Variants in RBM19 observed in about 807,000 individuals in gnomAD.
RBM19 encodes probable RNA-binding protein 19.
A neutral mutation model predicts 116.8 loss-of-function variants in RBM19; 94 were observed. That is an observed-to-expected ratio of 0.80 (90% CI 0.68 to 0.95). RBM19 has a LOEUF of 0.95. RBM19 is among the 40% of genes least tolerant of loss of function. The pLI, the probability that RBM19 is intolerant of heterozygous loss-of-function variation, is 0.00. For synonymous variants in RBM19, 475 were observed against 494.1 expected (o/e 0.96, Z 0.51); for missense variants, 1,161 against 1,220.7 (o/e 0.95, Z 0.73).
Position 113,873,593 on chromosome 12 carries a change from T to G in RBM19, c.2559-14697A>C, listed in dbSNP as rs559465018. Among the ~76,000 whole-genome samples, 101 of 125,584 alleles carry G rather than the reference T, an allele frequency of 8.0e-4. 1 individual carries two copies. The highest frequency in any genetic ancestry group is 2.0e-3 in the African/African-American group (65 of 32,826). The allele number at this position is 125,584 out of a possible 152,430, so 82.4% of individuals were successfully genotyped here. A position where few individuals can be genotyped will look rare whatever the true frequency, so the allele number is the denominator to read the frequency against. On this transcript the variant is annotated intron_variant, in intron 21 of 23. Transcript: ENST00000261741. ...GGAAAACCAGAGACCTTTGTTCACT[T>G]GTTTATCTGCTGACCTTCCCTCCAC...
intron 8 of RBM19, among the ~76,000 whole-genome samples, chr12:113,950,903 A>G (rs572418712): frequency 5.3e-5 from 8 of 151,706 alleles, no homozygotes; most frequent in African/African-American, 1.7e-4. Flanking sequence ...CCCCCTCTCC[A>G]TGGCCACACC....
chr12:113,882,559 G>C (rs1880223529), intron 21 of RBM19, among the ~76,000 whole-genome samples: 1 of 152,270 alleles, frequency 6.6e-6, no homozygotes, highest in Non-Finnish European at 1.5e-5. Context: ...AGCCTGCTCA[G>C]TACTGAAAAG....
At chr12:113,878,403 C>T (rs1879824044) in intron 21 of RBM19, among the ~76,000 whole-genome samples, 1 of 152,186 alleles carries the variant, frequency 6.6e-6, no homozygotes, top group African/African-American at 2.4e-5. Flanking sequence ...CTCATTAGGC[C>T]TCTCCACCTC....
intron 22 of RBM19, among the ~76,000 whole-genome samples, chr12:113,856,376 G>A (rs1367131507): frequency 6.6e-6 from 1 of 152,200 alleles, no homozygotes; most frequent in Non-Finnish European, 1.5e-5. Context: ...TCCACCTTCT[G>A]TCCTAATAAA....
chr12:113,943,434 G>A lies in RBM19; in HGVS notation c.1627-1000C>T, dbSNP rs1374943456. Among the ~76,000 whole-genome samples, 5 of 152,140 alleles carry A rather than the reference G, an allele frequency of 3.3e-5. No individual in the cohort carries two copies. The East Asian group carries it at 9.6e-4, about 29-fold the overall frequency. ...AAATGCAACGCGACACATCCAAAGT[G>A]CTCTCCGTGGAAAACACACACAGAA... On this transcript the variant is annotated intron_variant, in intron 13 of 23. Transcript: ENST00000261741.
intron 7 of RBM19, among the ~76,000 whole-genome samples, chr12:113,954,306 A>T (rs780245391): frequency 3.3e-5 from 5 of 152,152 alleles, no homozygotes; most frequent in Non-Finnish European, 7.4e-5. Flanking sequence ...ACACACACAA[A>T]AATAATAATA....
intron 21 of RBM19, among the ~76,000 whole-genome samples, chr12:113,899,451 A>G (rs1352462711): frequency 6.6e-6 from 1 of 152,194 alleles, no homozygotes; most frequent in African/African-American, 2.4e-5. Flanking sequence ...AGAGACAGAC[A>G]CTGAGTCCCA....
intron 9 of RBM19, among the ~76,000 whole-genome samples, 158 bp downstream of exon 9, chr12:113,949,925 G>C (rs949827775): frequency 6.6e-6 from 1 of 152,104 alleles, no homozygotes; most frequent in Non-Finnish European, 1.5e-5. Context: ...ATTTGGGTCT[G>C]TTTGCTCCCT....
At chr12:113,937,294 G>C (rs1253599193) in intron 15 of RBM19, 158 bp from the exon 16 acceptor site, 15 of 794,046 alleles carry the variant, frequency 1.9e-5, no homozygotes, top group Admixed American at 3.1e-5. Flanking sequence ...CCTGACTGCT[G>C]TCTACTCCCT....
intron 21 of RBM19, among the ~76,000 whole-genome samples, chr12:113,905,011 C>T (rs1881947466): frequency 1.3e-5 from 2 of 152,336 alleles, no homozygotes; most frequent in Admixed American, 1.3e-4. Flanking sequence ...CTGGTCCAAG[C>T]CGCAGTCAGC....
At chr12:113,824,959 T>A (rs115488086) in intron 23 of RBM19, among the ~76,000 whole-genome samples, 2,724 of 151,900 alleles carry the variant, frequency 0.018, 90 homozygotes, top group African/African-American at 0.063. Flanking sequence ...CTGGCCCACC[T>A]CCCCCTGCTC....
chr12:113,901,318 C>T (rs1881669923), intron 21 of RBM19, among the ~76,000 whole-genome samples: 1 of 152,068 alleles, frequency 6.6e-6, no homozygotes, highest in Non-Finnish European at 1.5e-5. Flanking sequence ...TCTGTTGACT[C>T]TGTGGCAGCT....
At chr12:113,836,825 T>TACACACAC (rs113470925) in intron 23 of RBM19, among the ~76,000 whole-genome samples, 1 of 105,744 alleles carries the variant, frequency 9.5e-6, no homozygotes, top group Non-Finnish European at 2.0e-5. Context: ...ACTACATACA[T>TACACACAC]ACACACACAC....
intron 22 of RBM19, among the ~76,000 whole-genome samples, chr12:113,853,451 A>C (rs1211866355): frequency 6.6e-6 from 1 of 152,276 alleles, no homozygotes; most frequent in Non-Finnish European, 1.5e-5. Flanking sequence ...CTGCAACTGC[A>C]AAAGTACAAA....
At chr12:113,872,427 C>T (rs543075660) in intron 21 of RBM19, among the ~76,000 whole-genome samples, 13 of 146,984 alleles carry the variant, frequency 8.8e-5, no homozygotes, top group African/African-American at 2.5e-4. Flanking sequence ...CCAGCCGCCC[C>T]GTCTGGGAGG....
At chr12:113,846,395 C>T (rs887024351) in intron 22 of RBM19, among the ~76,000 whole-genome samples, 1 of 152,200 alleles carries the variant, frequency 6.6e-6, no homozygotes, top group African/African-American at 2.4e-5. Flanking sequence ...AGTCCTAACC[C>T]CCTGTGCTTC....
At chr12:113,818,405 C>A (rs540329652), downstream of RBM19, among the ~76,000 whole-genome samples, 16 of 152,210 alleles carry the variant, frequency 1.1e-4, no homozygotes, top group South Asian at 2.7e-3. Context: ...GGCAGGGGGG[C>A]ACCTCCTACA....
chr12:113,837,495 G>A (rs776418491), intron 23 of RBM19, among the ~76,000 whole-genome samples: 37 of 152,316 alleles, frequency 2.4e-4, no homozygotes, highest in Non-Finnish European at 3.2e-4. Context: ...GGAGCTGTGC[G>A]CCATCTCCTT....
chr12:113,946,057 C>T, intron 12 of RBM19, 133 bp from the exon 13 acceptor site: 1 of 859,740 alleles, frequency 1.2e-6, no homozygotes, highest in Non-Finnish European at 1.8e-6. Flanking sequence ...CTATCATGGG[C>T]TACGTATACA....
Sources: allele counts gnomAD v4.1 joint callset (sites outside exome capture counted in the v4.1 genomes callset), GRCh38; gene constraint gnomAD v4.1.1; transcripts MANE v1.5; gene names NCBI Gene and HGNC (gene_info 2026-07-23, HGNC 2026-07-21).